Variants in ATF7IP2 observed in about 807,000 individuals in gnomAD.
ATF7IP2 encodes activating transcription factor 7-interacting protein 2.
ATF7IP2 carries 42 observed loss-of-function variants against 64.2 expected under a neutral mutation model. The ratio of observed to expected loss-of-function variants is 0.65; its 90% CI spans 0.51 to 0.85. The LOEUF is 0.85. Ranked by LOEUF, ATF7IP2 falls within the 40% of genes least tolerant of loss-of-function variation. The pLI is 0.00. For synonymous variants in ATF7IP2, 308 were observed against 272.8 expected (o/e 1.13, Z -1.27); for missense variants, 933 against 784.2 (o/e 1.19, Z -2.27).
At chr16:10,427,891 C>G (rs1167378991) in intron 3 of ATF7IP2, among the ~76,000 whole-genome samples, 1 of 149,430 alleles carries the variant, frequency 6.7e-6, no homozygotes, top group Non-Finnish European at 1.5e-5. Flanking sequence ...ACCCAAAGAT[C>G]TTTCACAAAT....
chr16:10,400,100 G>A (rs9922186), intron 1 of ATF7IP2, among the ~76,000 whole-genome samples: 85,204 of 152,052 alleles, frequency 0.56, 23,946 homozygotes, highest in East Asian at 0.69. Context: ...GAGTACAGCG[G>A]CACAATCTCG....
chr16:10,466,237 A>G (rs752514827), intron 9 of ATF7IP2, among the ~76,000 whole-genome samples: 11 of 152,332 alleles, frequency 7.2e-5, no homozygotes, highest in South Asian at 4.1e-4. Flanking sequence ...AATTATATCT[A>G]TCATATGAAT....
chr16:10,427,375 G>T (rs1030222717), intron 3 of ATF7IP2, among the ~76,000 whole-genome samples: 1 of 152,140 alleles, frequency 6.6e-6, no homozygotes, highest in African/African-American at 2.4e-5. Flanking sequence ...CAATACCAAG[G>T]GTTCAAGAGG....
rs1210790229 is a variant in ATF7IP2, at chr16:10,467,904, A to T, written c.1353-4206A>T. Among the ~76,000 whole-genome samples, 15 of 137,596 alleles carry T rather than the reference A, an allele frequency of 1.1e-4. 1 individual carries two copies. The Admixed American group carries it at 1.1e-3, about 10-fold the overall frequency. The allele number at this position is 137,596 out of a possible 152,430, so 90.3% of individuals were successfully genotyped here. On this transcript the variant is annotated intron_variant, in intron 9 of 13. Coordinates refer to ENST00000562102, the MANE Select transcript of ATF7IP2 (RefSeq NM_001393719.1). ...TTTTTTTTTTTTTTTTTTGAGACAG[A>T]GTTTTGCTCTTGTTGTCCAGGCTAG...
chr16:10,411,254 TTCTC>T (rs1163959669), intron 1 of ATF7IP2, among the ~76,000 whole-genome samples: 4 of 152,186 alleles, frequency 2.6e-5, no homozygotes, highest in Non-Finnish European at 5.9e-5. Context: ...GATTCCCTCT[TTCTC>T]TATCTTTTGG....
rs1276739101 is a variant in ATF7IP2, at chr16:10,413,683, T to G, written c.-241-891T>G. The stretch of plus-strand genomic sequence containing the variant: ...TTTTGATGTGTTTCCGAGATTTGTT[T>G]CAAGATTTAGAGCTCCTTATAGCAG... On this transcript the variant is annotated intron_variant, in intron 1 of 13. Coordinates refer to ENST00000562102, the MANE Select transcript of ATF7IP2 (RefSeq NM_001393719.1). Among the ~76,000 whole-genome samples, 4 of 152,348 alleles carry G rather than the reference T, an allele frequency of 2.6e-5. No homozygotes were observed. The South Asian group carries it at 8.3e-4, about 32-fold the overall frequency.
At position 10,478,338 on chromosome 16, in the gene ATF7IP2, G is replaced by C. The variant is rs539802301; in HGVS notation, c.1550-2541G>C. Among the ~76,000 whole-genome samples, 145 of 151,990 alleles carry C rather than the reference G, an allele frequency of 9.5e-4. 1 individual carries two copies. The highest frequency in any genetic ancestry group is 3.3e-3 in the African/African-American group (136 of 41,432). On this transcript the variant is annotated intron_variant, in intron 12 of 13. Transcript: ENST00000562102. ...TCAATGGAACAGAACAGAGCCCTCA[G>C]AAATAACGCCACATATCTACAACTA...
chr16:10,438,248 T>A lies in ATF7IP2; in HGVS notation c.1095+13T>A, dbSNP rs1435941429. On this transcript the variant is annotated intron_variant, in intron 7 of 13. Coordinates refer to ENST00000562102, the MANE Select transcript of ATF7IP2 (RefSeq NM_001393719.1). ...TGATAAACTTTTGGTAAGTTTTGAT[T>A]TCATTTGAGTCTTTTTTAGGGGAGT... is the stretch of plus-strand genomic sequence containing the variant. 3.1e-6 allele frequency: 5 copies of A among 1,594,156 alleles called. No individual in the cohort carries two copies. Among genetic ancestry groups the A allele is most frequent in the Non-Finnish European group, 4.3e-6 (5 of 1,172,542 alleles).
intron 1 of ATF7IP2, among the ~76,000 whole-genome samples, chr16:10,406,019 G>C (rs1288325031): frequency 6.6e-6 from 1 of 152,044 alleles, no homozygotes; most frequent in Non-Finnish European, 1.5e-5. Context: ...AACCCAGGAG[G>C]TGGAGGTTGC....
At chr16:10,387,328 G>A (rs559870042) in intron 1 of ATF7IP2, 2 of 152,194 alleles carry the variant, frequency 1.3e-5, no homozygotes, top group African/African-American at 4.8e-5. Context: ...TCTGCAATAC[G>A]TTTGTAGAAG....
At chr16:10,474,740 C>G (rs955792212) in intron 12 of ATF7IP2, among the ~76,000 whole-genome samples, 2 of 152,114 alleles carry the variant, frequency 1.3e-5, no homozygotes, top group Non-Finnish European at 2.9e-5. Flanking sequence ...ATAACATAGT[C>G]AAGTTCCTGA....
At position 10,473,999 on chromosome 16, in the gene ATF7IP2, T is replaced by C; in HGVS notation, c.1549+10T>C. ...TCCAACTGCAATACAGGTAAAAGGA[T>C]TTTTTAGATCTTTCTTTTGTAAAAA... On this transcript the variant is annotated intron_variant, in intron 12 of 13. Transcript: ENST00000562102. 6.4e-7 allele frequency: 1 copy of C among 1,555,234 alleles called. No individual in the cohort carries two copies. Among genetic ancestry groups the C allele is most frequent in the Non-Finnish European group, 8.8e-7 (1 of 1,135,366 alleles).
intron 10 of ATF7IP2, among the ~76,000 whole-genome samples, chr16:10,472,664 T>A (rs2049843012): frequency 6.6e-6 from 1 of 152,104 alleles, no homozygotes; most frequent in Admixed American, 6.6e-5. Context: ...AAGACCAGCC[T>A]GGCCAACAAA....
In ATF7IP2 at chr16:10,460,287, G is replaced by C. The variant is rs146799438; in HGVS notation, c.1352+2758G>C. On this transcript the variant is annotated intron_variant, in intron 9 of 13. Transcript: ENST00000562102. ...ATATTAAAGAAAAATCAATTAAAAA[G>C]ATATATGGTGTGGACAAAGGAGTAT... Among the ~76,000 whole-genome samples the C allele has an allele frequency of 2.5e-3, 373 of 152,228 alleles. 3 individuals carry two copies. The highest frequency in any genetic ancestry group is 8.5e-3 in the African/African-American group (354 of 41,534).
intron 1 of ATF7IP2, among the ~76,000 whole-genome samples, chr16:10,414,076 G>T (rs1309817256): frequency 6.6e-6 from 1 of 152,102 alleles, no homozygotes. Context: ...TGCTCTTTTT[G>T]CAGTGAATTT....
intron 1 of ATF7IP2, among the ~76,000 whole-genome samples, chr16:10,406,231 C>A (rs995874604): frequency 6.6e-6 from 1 of 152,128 alleles, no homozygotes; most frequent in East Asian, 1.9e-4. Flanking sequence ...CTCAGCCTCT[C>A]GAGTAGCTGG....
intron 1 of ATF7IP2, among the ~76,000 whole-genome samples, chr16:10,413,686 A>G (rs1188635578): frequency 6.6e-6 from 1 of 152,210 alleles, no homozygotes; most frequent in Non-Finnish European, 1.5e-5. Flanking sequence ...ATTTGTTTCA[A>G]GATTTAGAGC....
At chr16:10,443,825 G>C (rs1287354098) in intron 8 of ATF7IP2, among the ~76,000 whole-genome samples, 1 of 152,148 alleles carries the variant, frequency 6.6e-6, no homozygotes, top group Non-Finnish European at 1.5e-5. Flanking sequence ...AAGTAGAAGT[G>C]GTAGTGGAGA....
At chr16:10,398,967 G>C (rs1405448526) in intron 1 of ATF7IP2, among the ~76,000 whole-genome samples, 1 of 152,158 alleles carries the variant, frequency 6.6e-6, no homozygotes. Flanking sequence ...TGCAAAATTA[G>C]CTGGGCGTGG....
Sources: gnomAD v4.1 joint callset for allele counts (sites outside exome capture counted in the v4.1 genomes callset) on GRCh38, gnomAD v4.1.1 for gene constraint, MANE v1.5 for transcripts, NCBI Gene and HGNC (gene_info 2026-07-23, HGNC 2026-07-21) for gene names.